The following SOX5 variants were observed in gnomAD, a reference collection of about 807,000 sequenced individuals.
The protein encoded by SOX5 is SRY-box transcription factor 5, also known as transcription factor SOX-5.
A neutral mutation model predicts 92.0 loss-of-function variants in SOX5; 9 were observed. The ratio of observed to expected loss-of-function variants is 0.10; its 90% CI spans 0.06 to 0.17. The LOEUF (loss-of-function observed/expected upper bound fraction) is 0.17, where lower values mean the gene tolerates loss of function less well. Ranked by LOEUF, SOX5 falls within the 10% of genes least tolerant of loss-of-function variation. SOX5 has a pLI of 1.00. For synonymous variants in SOX5, 344 were observed against 336.3 expected, an observed-to-expected ratio of 1.02 and a Z score of -0.25; for missense variants, 642 against 944.5, an observed-to-expected ratio of 0.68 and a Z score of 4.20.
At chr12:23,983,750 A>G (rs910283427) in intron 4 of SOX5, among the ~76,000 whole-genome samples, 1 of 152,142 alleles carries the variant, frequency 6.6e-6, no homozygotes, top group African/African-American at 2.4e-5. Flanking sequence ...TTGTGGACGG[A>G]GAACTTACAA....
At chr12:23,923,878 C>A (rs1240877395) in intron 1 of SOX5, among the ~76,000 whole-genome samples, 1 of 152,152 alleles carries the variant, frequency 6.6e-6, no homozygotes, top group African/African-American at 2.4e-5. Flanking sequence ...TTGAAAGCCA[C>A]CACCATTATA....
rs146885219 is a variant in SOX5 at position 23,824,421 on chromosome 12, C to T, written c.481+21562G>A. On this transcript the variant is annotated intron_variant, in intron 3 of 14. Transcript: ENST00000451604. ...AATTTGCTGGGGGTCCACTCCAGACCCTGTTTGCCTGGTTATCACCAGCTG... is the reference window on the plus strand; with the variant it reads ...AATTTGCTGGGGGTCCACTCCAGACTCTGTTTGCCTGGTTATCACCAGCTG... 9.4e-3 allele frequency among the ~76,000 whole-genome samples: 1,432 copies of T among 152,246 alleles called. 11 individuals carry two copies. Among genetic ancestry groups the T allele is most frequent in the Non-Finnish European group, 0.016 (1,095 of 68,022 alleles).
At chr12:24,079,044 C>T (rs1943002687) in intron 4 of SOX5, among the ~76,000 whole-genome samples, 1 of 151,720 alleles carries the variant, frequency 6.6e-6, no homozygotes, top group Admixed American at 6.6e-5. Context: ...ACAACTCTGC[C>T]CAGGTGCAAT....
At chr12:24,006,359 T>C (rs1051217578) in intron 4 of SOX5, among the ~76,000 whole-genome samples, 2 of 152,196 alleles carry the variant, frequency 1.3e-5, no homozygotes, top group East Asian at 1.9e-4. Context: ...CATTTCTTCT[T>C]GTTGTCCTTA....
intron 2 of SOX5, among the ~76,000 whole-genome samples, chr12:23,895,043 CT>C (rs1447040106): frequency 6.6e-6 from 1 of 151,958 alleles, no homozygotes; most frequent in Non-Finnish European, 1.5e-5. Flanking sequence ...ACCACAATGA[CT>C]TATTTGTGTT....
At chr12:24,534,600 G>T (rs529115552) in intron 1 of SOX5, among the ~76,000 whole-genome samples, 1 of 152,178 alleles carries the variant, frequency 6.6e-6, no homozygotes, top group Non-Finnish European at 1.5e-5. Flanking sequence ...AAAAGAGAAA[G>T]CATAACATCT....
At chr12:23,873,509 C>T (rs974395687) in intron 2 of SOX5, among the ~76,000 whole-genome samples, 1 of 152,090 alleles carries the variant, frequency 6.6e-6, no homozygotes, top group African/African-American at 2.4e-5. Flanking sequence ...AGTGCCATTG[C>T]TGACACCAAA....
intron 4 of SOX5, among the ~76,000 whole-genome samples, chr12:23,972,349 TTTTG>T (rs755294201): frequency 9.3e-5 from 14 of 151,106 alleles, no homozygotes; most frequent in Non-Finnish European, 7.4e-5. Flanking sequence ...CCTATGGTTT[TTTTG>T]TTTGTTTGTT....
intron 9 of SOX5, among the ~76,000 whole-genome samples, chr12:23,598,373 G>T (rs995257395): frequency 7.8e-6 from 1 of 128,526 alleles, no homozygotes; most frequent in African/African-American, 3.0e-5. Context: ...TCTCTTTGTT[G>T]TCTTGTGCTT....
At chr12:24,220,715 C>G (rs1389710095) in intron 3 of SOX5, among the ~76,000 whole-genome samples, 5 of 152,122 alleles carry the variant, frequency 3.3e-5, no homozygotes, top group Non-Finnish European at 7.4e-5. Context: ...CCTGCTAGAA[C>G]TTTTTCTAGC....
intron 4 of SOX5, among the ~76,000 whole-genome samples, chr12:24,198,934 G>A (rs961885641): frequency 6.6e-6 from 1 of 152,202 alleles, no homozygotes; most frequent in Middle Eastern, 3.2e-3. Context: ...CCCGTGTGGC[G>A]CTCCAGTGAG....
chr12:23,871,856 T>C (rs948178447), intron 2 of SOX5, among the ~76,000 whole-genome samples: 9 of 152,158 alleles, frequency 5.9e-5, no homozygotes, highest in African/African-American at 2.2e-4. Context: ...CAGTTCTTAA[T>C]GGATAAGTTG....
intron 4 of SOX5, among the ~76,000 whole-genome samples, chr12:23,745,568 A>G (rs1301086765): frequency 2.0e-5 from 3 of 152,122 alleles, no homozygotes; most frequent in African/African-American, 7.2e-5. Flanking sequence ...TTCTAGCCAC[A>G]CTGAATGTTC....
chr12:23,661,170 C>T (rs376526094), intron 7 of SOX5, among the ~76,000 whole-genome samples: 5 of 152,218 alleles, frequency 3.3e-5, no homozygotes, highest in East Asian at 1.9e-4. Flanking sequence ...GCCAATCATG[C>T]GGATTTTTAA....
rs139577239 is a variant in SOX5 at position 23,740,957 on chromosome 12, C to T, written c.651G>A (p.Leu217=). 732 of 1,612,336 alleles carry T rather than the reference C, an allele frequency of 4.5e-4. 1 individual carries two copies. In the African/African-American group the frequency reaches 8.8e-3, roughly 19 times the overall value. Reference sequence around the variant, plus strand: ...GTTTCTTCTGCTCATCGTGGGCAGCCAACAGCTGCTCTCGGAGGCTGGTCA... The same window carrying T: ...GTTTCTTCTGCTCATCGTGGGCAGCTAACAGCTGCTCTCGGAGGCTGGTCA... ...NQLTSLREQL[L]AAHDEQKKLA... The change falls in exon 5 of 15, where the codon TTG becomes TTA. Residue 217 remains leucine (L), a synonymous_variant. Transcript: ENST00000451604.
At chr12:24,310,178 T>A (rs1565879382) in intron 2 of SOX5, among the ~76,000 whole-genome samples, 1 of 152,202 alleles carries the variant, frequency 6.6e-6, no homozygotes, top group Non-Finnish European at 1.5e-5. Context: ...GCCTACCTTT[T>A]GGCCTAAAAG....
chr12:23,776,434 T>C (rs1186738497), intron 3 of SOX5, among the ~76,000 whole-genome samples: 1 of 152,194 alleles, frequency 6.6e-6, no homozygotes, highest in African/African-American at 2.4e-5. Context: ...AACAAATTAA[T>C]TTATCAGAGA....
rs755183470 is a variant in SOX5, at chr12:23,665,430, T to C, written c.931+14A>G. 1 of 1,612,986 alleles carries C rather than the reference T, an allele frequency of 6.2e-7. No homozygotes were observed. Among genetic ancestry groups the C allele is most frequent in the South Asian group, 1.1e-5 (1 of 91,038 alleles). ...CCTCCACCCACTCCCAGATGAAAAA[T>C]CAACAGTACTTACTACATCCAGCCT... On this transcript the variant is annotated intron_variant, in intron 7 of 14. Coordinates refer to ENST00000451604, the MANE Select transcript of SOX5 (RefSeq NM_006940.6).
intron 4 of SOX5, among the ~76,000 whole-genome samples, chr12:24,132,098 A>T (rs1376900951): frequency 6.6e-6 from 1 of 152,202 alleles, no homozygotes; most frequent in Admixed American, 6.5e-5. Flanking sequence ...CTAAGTAAAA[A>T]GTTAAAAATA....
Sources: gnomAD v4.1 joint callset for allele counts (sites outside exome capture counted in the v4.1 genomes callset) on GRCh38, gnomAD v4.1.1 for gene constraint, MANE v1.5 for transcripts, NCBI Gene and HGNC (gene_info 2026-07-23, HGNC 2026-07-21) for gene names.